The following PRKAR2B variants were observed in gnomAD, a reference collection of about 807,000 sequenced individuals.
PRKAR2B encodes the protein protein kinase cAMP-dependent type II regulatory subunit beta.
Under a neutral mutation model 49.9 loss-of-function variants are expected in PRKAR2B, and 14 were observed. The ratio of observed to expected loss-of-function variants is 0.28; its 90% CI spans 0.19 to 0.44. The LOEUF (loss-of-function observed/expected upper bound fraction) is 0.44, where lower values mean the gene tolerates loss of function less well. Among genes scored for constraint, PRKAR2B ranks in the 20% least tolerant of loss-of-function variants. The pLI, the probability that PRKAR2B is intolerant of heterozygous loss-of-function variation, is 1.00. For missense variants in PRKAR2B, 393 were observed against 537.9 expected, an observed-to-expected ratio of 0.73 and a Z score of 2.67; for synonymous variants, 196 against 197.7, an observed-to-expected ratio of 0.99 and a Z score of 0.07.
intron 2 of PRKAR2B, among the ~76,000 whole-genome samples, chr7:107,074,256 A>G (rs1350185423): frequency 5.3e-5 from 8 of 151,646 alleles, no homozygotes; most frequent in Non-Finnish European, 1.2e-4. Flanking sequence ...GGTGTACGCC[A>G]CCATGCCTGG....
At chr7:107,084,453 A>C (rs922307648) in intron 2 of PRKAR2B, among the ~76,000 whole-genome samples, 7 of 152,066 alleles carry the variant, frequency 4.6e-5, no homozygotes, top group Admixed American at 3.3e-4. Flanking sequence ...GAAATATGTA[A>C]AGCGTAGTAT....
chr7:107,060,440 G>A (rs923602993), intron 1 of PRKAR2B, among the ~76,000 whole-genome samples: 3 of 152,168 alleles, frequency 2.0e-5, no homozygotes, highest in African/African-American at 7.2e-5. Context: ...ATGTCAGGTA[G>A]CATCTTACTG....
intron 4 of PRKAR2B, among the ~76,000 whole-genome samples, chr7:107,139,579 C>T (rs1795756127): frequency 6.6e-6 from 1 of 152,200 alleles, no homozygotes; most frequent in Non-Finnish European, 1.5e-5. Flanking sequence ...TTTGGACCCT[C>T]TTGGTGCTCT....
At chr7:107,058,330 A>G (rs937894961) in intron 1 of PRKAR2B, among the ~76,000 whole-genome samples, 3 of 152,234 alleles carry the variant, frequency 2.0e-5, no homozygotes, top group African/African-American at 7.2e-5. Context: ...TAATTGGCAA[A>G]CAATTAGTTG....
At chr7:107,133,331 A>G (rs914822590) in intron 4 of PRKAR2B, among the ~76,000 whole-genome samples, 1 of 152,234 alleles carries the variant, frequency 6.6e-6, no homozygotes, top group East Asian at 1.9e-4. Flanking sequence ...CCAACATCAC[A>G]AAATAGTTAC....
intron 5 of PRKAR2B, among the ~76,000 whole-genome samples, chr7:107,142,959 C>T (rs1350008619): frequency 6.6e-6 from 1 of 152,126 alleles, no homozygotes; most frequent in Non-Finnish European, 1.5e-5. Flanking sequence ...GACAAGGTAT[C>T]ACCATGTTGG....
intron 2 of PRKAR2B, among the ~76,000 whole-genome samples, chr7:107,107,859 C>A (rs1223276633): frequency 6.6e-6 from 1 of 152,036 alleles, no homozygotes; most frequent in Admixed American, 6.6e-5. Context: ...GGTTTTACCA[C>A]GTTGGCCAGG....
At chr7:107,159,068 C>G (rs1430226700) in intron 10 of PRKAR2B, among the ~76,000 whole-genome samples, 2 of 152,152 alleles carry the variant, frequency 1.3e-5, no homozygotes, top group African/African-American at 4.8e-5. Flanking sequence ...GAAGGGAACA[C>G]AGGATAGAAA....
At chr7:107,098,193 A>G (rs1251755319) in intron 2 of PRKAR2B, among the ~76,000 whole-genome samples, 1 of 152,170 alleles carries the variant, frequency 6.6e-6, no homozygotes, top group African/African-American at 2.4e-5. Flanking sequence ...TATTTCTTGG[A>G]GGCTTTGTTC....
intron 6 of PRKAR2B, 141 bp from the exon 7 acceptor site, chr7:107,150,781 G>T: frequency 5.6e-5 from 27 of 482,480 alleles, no homozygotes; most frequent in East Asian, 2.0e-4. Flanking sequence ...ATAAAAATAT[G>T]AAATGAGTTG....
intron 2 of PRKAR2B, among the ~76,000 whole-genome samples, chr7:107,092,227 T>A (rs1490939385): frequency 6.6e-6 from 1 of 151,032 alleles, no homozygotes; most frequent in Non-Finnish European, 1.5e-5. Flanking sequence ...ATTCTGTATG[T>A]GATGGGGAAC....
chr7:107,130,090 C>G (rs529704509), intron 4 of PRKAR2B, among the ~76,000 whole-genome samples: 14 of 152,310 alleles, frequency 9.2e-5, no homozygotes, highest in Non-Finnish European at 1.8e-4. Context: ...CTGGTTCATG[C>G]ACCTCGGACA....
At chr7:107,087,926 G>A (rs1794652365) in intron 2 of PRKAR2B, among the ~76,000 whole-genome samples, 1 of 149,936 alleles carries the variant, frequency 6.7e-6, no homozygotes, top group Non-Finnish European at 1.5e-5. Flanking sequence ...TTAACTCAGG[G>A]TCCTCAGGAA....
chr7:107,118,310 T>TTTCA (rs34651958), intron 2 of PRKAR2B, among the ~76,000 whole-genome samples: 7,437 of 151,304 alleles, frequency 0.049, 450 homozygotes, highest in African/African-American at 0.14. Flanking sequence ...TTGAGCAAGT[T>TTTCA]TTCATTCATT....
At chr7:107,108,417 A>G (rs1795116211) in intron 2 of PRKAR2B, among the ~76,000 whole-genome samples, 1 of 152,250 alleles carries the variant, frequency 6.6e-6, no homozygotes, top group African/African-American at 2.4e-5. Context: ...AGAGACAAAA[A>G]GATTTGAGAG....
intron 10 of PRKAR2B, among the ~76,000 whole-genome samples, chr7:107,159,152 G>T (rs1361622299): frequency 6.6e-6 from 1 of 152,116 alleles, no homozygotes; most frequent in Non-Finnish European, 1.5e-5. Flanking sequence ...AAAATTCTAA[G>T]GTCTTTCCAT....
intron 2 of PRKAR2B, among the ~76,000 whole-genome samples, chr7:107,116,140 C>T (rs1003499497): frequency 4.6e-5 from 7 of 152,156 alleles, no homozygotes; most frequent in Non-Finnish European, 1.0e-4. Flanking sequence ...AAGATAATAA[C>T]GTTTCTCACC....
intron 4 of PRKAR2B, among the ~76,000 whole-genome samples, chr7:107,129,249 A>G (rs1795554343): frequency 6.6e-6 from 1 of 152,166 alleles, no homozygotes; most frequent in Admixed American, 6.5e-5. Flanking sequence ...AGTGTAATTT[A>G]TGTTTATATT....
chr7:107,140,821 T>A, intron 4 of PRKAR2B, 26 bp from the exon 5 acceptor site: 1 of 1,531,190 alleles, frequency 6.5e-7, no homozygotes. Context: ...AACATAAAGA[T>A]TATATCCCAT....
Sources: gnomAD v4.1 joint callset for allele counts (sites outside exome capture counted in the v4.1 genomes callset) on GRCh38, gnomAD v4.1.1 for gene constraint, MANE v1.5 for transcripts, NCBI Gene and HGNC (gene_info 2026-07-23, HGNC 2026-07-21) for gene names.